FGF14: variants seen among roughly 807,000 people sequenced by gnomAD.
FGF14 encodes fibroblast growth factor homologous factor 4.
FGF14 carries 5 observed loss-of-function variants against 25.5 expected under a neutral mutation model. The observed-to-expected ratio is 0.20, with a 90% CI of 0.10 to 0.41. The LOEUF (loss-of-function observed/expected upper bound fraction) is 0.41, where lower values mean the gene tolerates loss of function less well. Among genes scored for constraint, FGF14 ranks in the 10% least tolerant of loss-of-function variants. FGF14 has a pLI of 1.00. For synonymous variants in FGF14, 138 were observed against 118.3 expected (o/e 1.17, Z -1.08); for missense variants, 222 against 320.1 (o/e 0.69, Z 2.34).
chr13:102,019,692 G>A (rs1457939648), intron 1 of FGF14, among the ~76,000 whole-genome samples: 1 of 152,172 alleles, frequency 6.6e-6, no homozygotes, highest in African/African-American at 2.4e-5. Context: ...TTTGGCAAGT[G>A]CTGAATCCTG....
chr13:102,380,773 A>G (rs1260688179), intron 1 of FGF14, among the ~76,000 whole-genome samples: 6 of 152,208 alleles, frequency 3.9e-5, no homozygotes, highest in Admixed American at 6.6e-5. Context: ...AGACAAATTA[A>G]AAGTAAATAT....
At chr13:102,313,664 C>G (rs2055883799) in intron 1 of FGF14, among the ~76,000 whole-genome samples, 1 of 152,084 alleles carries the variant, frequency 6.6e-6, no homozygotes, top group African/African-American at 2.4e-5. Context: ...GATTTTTAAA[C>G]TAATAACATA....
At chr13:102,094,517 T>C (rs2140257975) in intron 1 of FGF14, among the ~76,000 whole-genome samples, 1 of 152,210 alleles carries the variant, frequency 6.6e-6, no homozygotes, top group African/African-American at 2.4e-5. Flanking sequence ...GGGCAGGGAA[T>C]CCACAAAGGA....
intron 1 of FGF14, among the ~76,000 whole-genome samples, chr13:102,234,654 A>G (rs1468904256): frequency 6.6e-6 from 1 of 152,320 alleles, no homozygotes; most frequent in East Asian, 1.9e-4. Flanking sequence ...AGATTACATT[A>G]CTATCTTCAC....
intron 1 of FGF14, among the ~76,000 whole-genome samples, chr13:102,213,944 T>G (rs9300718): frequency 0.054 from 8,241 of 152,282 alleles, 437 homozygotes; most frequent in East Asian, 0.17. Flanking sequence ...TGAGGAAGAC[T>G]GATGATACCT....
At chr13:102,386,511 C>A (rs559151395) in intron 1 of FGF14, among the ~76,000 whole-genome samples, 2 of 152,288 alleles carry the variant, frequency 1.3e-5, no homozygotes, top group African/African-American at 2.4e-5. Flanking sequence ...ATTTGTCTTA[C>A]ATTAAAACTG....
chr13:102,193,724 A>T (rs1378015310), intron 1 of FGF14, among the ~76,000 whole-genome samples: 2 of 152,222 alleles, frequency 1.3e-5, no homozygotes, highest in African/African-American at 4.8e-5. Context: ...CAGGAAAGTC[A>T]TGAAACAAAG....
chr13:102,210,510 A>T (rs1346428903), intron 1 of FGF14, among the ~76,000 whole-genome samples: 1 of 152,198 alleles, frequency 6.6e-6, no homozygotes, highest in East Asian at 1.9e-4. Flanking sequence ...TCATTTAAAA[A>T]TGTGCAAGGG....
chr13:102,052,589 C>T (rs2042261328), intron 1 of FGF14, among the ~76,000 whole-genome samples: 1 of 151,582 alleles, frequency 6.6e-6, no homozygotes, highest in South Asian at 2.1e-4. Flanking sequence ...GTGAATTTTT[C>T]ATCAGAAACC....
At chr13:102,020,669 C>G (rs569808093) in intron 1 of FGF14, among the ~76,000 whole-genome samples, 1 of 152,126 alleles carries the variant, frequency 6.6e-6, no homozygotes, top group South Asian at 2.1e-4. Context: ...TTGGGTAGTG[C>G]TAAGAGTACA....
chr13:101,906,568 C>T (rs1173856748), intron 1 of FGF14, among the ~76,000 whole-genome samples: 1 of 152,034 alleles, frequency 6.6e-6, no homozygotes, highest in Non-Finnish European at 1.5e-5. Context: ...CAAGTAAATA[C>T]CCATCCATCA....
chr13:102,224,229 T>G (rs1016102837), intron 1 of FGF14, among the ~76,000 whole-genome samples: 1 of 152,120 alleles, frequency 6.6e-6, no homozygotes, highest in Non-Finnish European at 1.5e-5. Context: ...AGCCCTTGGA[T>G]GAAAGTAGCT....
chr13:101,971,594 A>G (rs2139543959), intron 1 of FGF14, among the ~76,000 whole-genome samples: 1 of 152,246 alleles, frequency 6.6e-6, no homozygotes, highest in African/African-American at 2.4e-5. Context: ...CTGGTCTTGA[A>G]CTTCTGAGTT....
chr13:101,718,862 C>T lies in FGF14; in HGVS notation c.*3969G>A, dbSNP rs146688016. ...ACACTTTGAAACCCTACTCCATATT[C>T]AAGAGAGTCAACAGGCCCTATGTCA... On this transcript the variant is annotated 3_prime_UTR_variant, in exon 5 of 5. Coordinates refer to ENST00000376143, the MANE Select transcript of FGF14 (RefSeq NM_004115.4). 2.5e-3 allele frequency: 384 copies of T among 151,848 alleles called. No homozygotes were observed. The highest frequency in any genetic ancestry group is 8.8e-3 in the African/African-American group (365 of 41,448). The allele number at this position is 151,848 out of a possible 1,614,324, so 9.4% of individuals were successfully genotyped here.
rs543686666 is a variant in FGF14 at position 101,909,601 on chromosome 13, A to G, written c.193+6852T>C. Among the ~76,000 whole-genome samples the G allele has an allele frequency of 3.6e-3, 550 of 152,258 alleles. 1 individual carries two copies. The highest frequency in any genetic ancestry group is 6.1e-3 in the Non-Finnish European group (414 of 67,984). The stretch of plus-strand genomic sequence containing the variant: ...AAAAAGTCAGGAAACAACAGGTGAT[A>G]GAGAGGATGTGGAGAAATAGGAACA... On this transcript the variant is annotated intron_variant, in intron 1 of 4. Coordinates refer to ENST00000376143, the MANE Select transcript of FGF14 (RefSeq NM_004115.4).
chr13:101,848,917 C>T (rs1250935333), intron 3 of FGF14, among the ~76,000 whole-genome samples: 1 of 151,958 alleles, frequency 6.6e-6, no homozygotes, highest in Non-Finnish European at 1.5e-5. Flanking sequence ...TTAATAGTTT[C>T]TTTACTTTGC....
At chr13:102,113,602 A>G (rs2045332816) in intron 1 of FGF14, among the ~76,000 whole-genome samples, 1 of 152,214 alleles carries the variant, frequency 6.6e-6, no homozygotes, top group Non-Finnish European at 1.5e-5. Context: ...CAAAATGCAC[A>G]CATCAAGGAC....
chr13:101,910,495 TC>T (rs2032804907), intron 1 of FGF14, among the ~76,000 whole-genome samples: 1 of 151,970 alleles, frequency 6.6e-6, no homozygotes, highest in African/African-American at 2.4e-5. Flanking sequence ...TTCCTATCAA[TC>T]CCAATATCAA....
intron 1 of FGF14, among the ~76,000 whole-genome samples, chr13:102,029,700 G>C (rs913648236): frequency 6.6e-6 from 1 of 152,050 alleles, no homozygotes; most frequent in African/African-American, 2.4e-5. Flanking sequence ...CATAATTTAT[G>C]AAACAAAACT....
Sources: gnomAD v4.1 joint callset for allele counts (sites outside exome capture counted in the v4.1 genomes callset) on GRCh38, gnomAD v4.1.1 for gene constraint, MANE v1.5 for transcripts, NCBI Gene and HGNC (gene_info 2026-07-23, HGNC 2026-07-21) for gene names.